CSMD3: variants seen among roughly 807,000 people sequenced by gnomAD.
CSMD3 encodes CUB and sushi domain-containing protein 3.
CSMD3 carries 177 observed loss-of-function variants against 435.2 expected under a neutral mutation model. The observed-to-expected ratio is 0.41, with a 90% CI of 0.36 to 0.46. The LOEUF (loss-of-function observed/expected upper bound fraction) is 0.46. Ranked by LOEUF, CSMD3 falls within the 20% of genes least tolerant of loss-of-function variation. The probability of loss-of-function intolerance (pLI) is 0.34; values close to 1 mark genes in which losing one functional copy is unlikely to be tolerated. For missense variants in CSMD3, 4,265 were observed against 4,504.6 expected, an observed-to-expected ratio of 0.95 and a Z score of 1.52; for synonymous variants, 1,656 against 1,520.5, an observed-to-expected ratio of 1.09 and a Z score of -2.07.
intron 1 of CSMD3, among the ~76,000 whole-genome samples, chr8:113,352,810 A>T (rs1162806694): frequency 1.3e-5 from 2 of 152,234 alleles, no homozygotes; most frequent in East Asian, 3.9e-4. Context: ...GAAGCAAAAA[A>T]GAATCACATC....
chr8:112,297,149 G>A (rs1371291826), intron 53 of CSMD3, among the ~76,000 whole-genome samples: 1 of 147,382 alleles, frequency 6.8e-6, no homozygotes, highest in Non-Finnish European at 1.5e-5. Context: ...CTTTTAATGG[G>A]GAAAATAATT....
At chr8:112,729,121 A>G (rs1458187091) in intron 13 of CSMD3, among the ~76,000 whole-genome samples, 1 of 152,064 alleles carries the variant, frequency 6.6e-6, no homozygotes, top group African/African-American at 2.4e-5. Context: ...TTGTTTTAAT[A>G]TATTGCAAAA....
At chr8:113,093,212 T>A (rs1304252412) in intron 5 of CSMD3, among the ~76,000 whole-genome samples, 1 of 151,810 alleles carries the variant, frequency 6.6e-6, no homozygotes, top group Non-Finnish European at 1.5e-5. Context: ...AGGAGAAAAA[T>A]CACAAAATCT....
intron 3 of CSMD3, among the ~76,000 whole-genome samples, chr8:113,199,659 G>A (rs1288090834): frequency 6.6e-6 from 1 of 151,608 alleles, no homozygotes; most frequent in African/African-American, 2.4e-5. Context: ...GAGGCCCAAA[G>A]ACATTGAGCA....
chr8:113,275,496 A>G (rs547971227), intron 3 of CSMD3, among the ~76,000 whole-genome samples: 38 of 152,256 alleles, frequency 2.5e-4, no homozygotes, highest in Non-Finnish European at 5.0e-4. Flanking sequence ...GTCTCCAGAT[A>G]AAGCTGATGC....
In CSMD3 at chr8:112,486,437, G is replaced by A. The variant is rs75609006; in HGVS notation, c.5278+6052C>T. 1.4e-4 allele frequency among the ~76,000 whole-genome samples: 22 copies of A among 152,026 alleles called. No homozygotes were observed. The East Asian group carries it at 4.1e-3, about 28-fold the overall frequency. ...CATCTATAAAATGAGAATATTAATA[G>A]TCTCTACTTCATGGCATTATGGTGA... is the stretch of plus-strand genomic sequence containing the variant. On this transcript the variant is annotated intron_variant, in intron 31 of 70. Coordinates refer to ENST00000297405, the MANE Select transcript of CSMD3 (RefSeq NM_198123.2).
chr8:112,843,520 C>A (rs1222425808), intron 11 of CSMD3, among the ~76,000 whole-genome samples: 1 of 151,862 alleles, frequency 6.6e-6, no homozygotes, highest in Non-Finnish European at 1.5e-5. Flanking sequence ...ATTTAAGAAT[C>A]TTGAGATGAA....
chr8:112,395,090 T>C (rs912799819), intron 35 of CSMD3, among the ~76,000 whole-genome samples: 5 of 152,164 alleles, frequency 3.3e-5, no homozygotes, highest in African/African-American at 7.2e-5. Flanking sequence ...TATAGAAAAA[T>C]TAGCAGATAC....
chr8:113,255,819 TATA>T (rs567621320), intron 3 of CSMD3, among the ~76,000 whole-genome samples: 107 of 151,456 alleles, frequency 7.1e-4, no homozygotes, highest in Non-Finnish European at 1.4e-3. Flanking sequence ...AATATTTAAC[TATA>T]ATAATATATA....
chr8:112,987,727 G>A (rs917016790), intron 6 of CSMD3, among the ~76,000 whole-genome samples: 1 of 152,040 alleles, frequency 6.6e-6, no homozygotes, highest in Admixed American at 6.6e-5. Context: ...ATTTACTTAT[G>A]TTTTATTTTC....
chr8:113,156,661 G>A (rs1045904220), intron 4 of CSMD3, among the ~76,000 whole-genome samples: 9 of 151,726 alleles, frequency 5.9e-5, no homozygotes, highest in Non-Finnish European at 1.0e-4. Flanking sequence ...AGCATTTTGG[G>A]AGGCTGAGGA....
chr8:112,231,843 A>G (rs1443508541), intron 68 of CSMD3, among the ~76,000 whole-genome samples: 2 of 152,242 alleles, frequency 1.3e-5, no homozygotes, highest in Non-Finnish European at 2.9e-5. Flanking sequence ...ATTATGATAT[A>G]CAAAACAGAG....
chr8:113,254,585 T>C (rs1018498654), intron 3 of CSMD3, among the ~76,000 whole-genome samples: 3 of 152,206 alleles, frequency 2.0e-5, no homozygotes, highest in African/African-American at 7.2e-5. Flanking sequence ...CTCCTTAAGC[T>C]AGTCTAAGGC....
At chr8:112,549,036 A>G (rs776816450) in intron 27 of CSMD3, among the ~76,000 whole-genome samples, 17 of 152,100 alleles carry the variant, frequency 1.1e-4, no homozygotes, top group Admixed American at 5.9e-4. Flanking sequence ...ACTTAACCAG[A>G]TAAGGTTGAG....
In CSMD3 at chr8:112,318,901, A is replaced by G. The variant is rs1822726779; in HGVS notation, c.7296T>C (p.Asn2432=). The G allele has an allele frequency of 1.9e-6, 3 of 1,612,544 alleles. No homozygotes were observed. The highest frequency in any genetic ancestry group is 1.3e-5 in the African/African-American group (1 of 74,884). ...CTCCTAATCTGCACGTCAGAATTGC[A>G]TTACCAACTAAAGTAAATCCTGGAA... The part of the protein sequence containing the change: ...QCLPGFTLVG[N]AILTCRLGER... The change falls in exon 47 of 71, where the codon AAT becomes AAC. Residue 2432 remains asparagine, a synonymous_variant. Transcript: ENST00000297405.
chr8:112,969,336 T>TA (rs111844886), intron 7 of CSMD3, among the ~76,000 whole-genome samples: 3 of 152,038 alleles, frequency 2.0e-5, no homozygotes, highest in African/African-American at 7.2e-5. Context: ...TTATGCTGAA[T>TA]TAACCATTCT....
intron 10 of CSMD3, among the ~76,000 whole-genome samples, chr8:112,897,578 A>C (rs149946254): frequency 6.6e-6 from 1 of 151,392 alleles, no homozygotes; most frequent in African/African-American, 2.4e-5. Flanking sequence ...AATCTCCCAG[A>C]TTAATTTTAA....
chr8:113,110,941 G>A (rs578212902), intron 4 of CSMD3, among the ~76,000 whole-genome samples: 9 of 152,230 alleles, frequency 5.9e-5, no homozygotes, highest in Non-Finnish European at 1.0e-4. Flanking sequence ...TTCTTGCTGT[G>A]TACTTATGTG....
Position 112,239,273 on chromosome 8 carries a change from C to G in CSMD3, c.10469-1925G>C, listed in dbSNP as rs571268265. ...CTTGATTCACAAATTGTTCATTGTT[C>G]AATTAAACTCCTTTAAATTTAATTC... On this transcript the variant is annotated intron_variant, in intron 66 of 70. Coordinates refer to ENST00000297405, the MANE Select transcript of CSMD3 (RefSeq NM_198123.2). Among the ~76,000 whole-genome samples the G allele has an allele frequency of 4.6e-5, 7 of 152,138 alleles. No homozygotes were observed. The South Asian group carries it at 1.5e-3, about 32-fold the overall frequency.
Sources: gnomAD v4.1 joint callset for allele counts (sites outside exome capture counted in the v4.1 genomes callset) on GRCh38, gnomAD v4.1.1 for gene constraint, MANE v1.5 for transcripts, NCBI Gene and HGNC (gene_info 2026-07-23, HGNC 2026-07-21) for gene names.